Variants in SLC26A5 observed in about 807,000 individuals in gnomAD.
SLC26A5 encodes the protein prestin.
Under a neutral mutation model 81.0 loss-of-function variants are expected in SLC26A5, and 51 were observed. The observed-to-expected ratio is 0.63, with a 90% CI of 0.50 to 0.80. The LOEUF is 0.80. Among genes scored for constraint, SLC26A5 ranks in the 30% least tolerant of loss-of-function variants. SLC26A5 has a pLI of 0.00. For synonymous variants in SLC26A5, 325 were observed against 332.8 expected (o/e 0.98, Z 0.25); for missense variants, 771 against 905.8 (o/e 0.85, Z 1.91).
At chr7:103,371,472 C>A (rs1030086817), downstream of SLC26A5, among the ~76,000 whole-genome samples, 5 of 149,884 alleles carry the variant, frequency 3.3e-5, no homozygotes, top group Non-Finnish European at 7.4e-5. Flanking sequence ...CTACAGGCGC[C>A]CGCCACTACG....
chr7:103,405,539 C>G (rs985484166), intron 8 of SLC26A5, among the ~76,000 whole-genome samples: 2 of 152,180 alleles, frequency 1.3e-5, no homozygotes, highest in African/African-American at 4.8e-5. Flanking sequence ...TGATTGCTAC[C>G]TGTTCCTTCC....
intron 8 of SLC26A5, 150 bp downstream of exon 8, chr7:103,407,701 G>T: frequency 2.4e-6 from 2 of 824,494 alleles, no homozygotes; most frequent in Non-Finnish European, 3.8e-6. Flanking sequence ...TTACTTTCTT[G>T]TCAATGAATT....
At chr7:103,443,920 T>C (rs1827072965) in intron 1 of SLC26A5, among the ~76,000 whole-genome samples, 1 of 152,236 alleles carries the variant, frequency 6.6e-6, no homozygotes, top group South Asian at 2.1e-4. Flanking sequence ...GTGAGCTTTT[T>C]TATTTTTTTT....
At chr7:103,359,914 A>C (rs945236610) in intron 19 of SLC26A5, among the ~76,000 whole-genome samples, 2 of 151,938 alleles carry the variant, frequency 1.3e-5, no homozygotes, top group African/African-American at 4.8e-5. Flanking sequence ...ACCTGTCTCT[A>C]CTAAAAATAT....
intron 19 of SLC26A5, among the ~76,000 whole-genome samples, chr7:103,357,192 G>A (rs1820083250): frequency 2.0e-5 from 3 of 152,022 alleles, no homozygotes; most frequent in Admixed American, 1.3e-4. Flanking sequence ...TGGGTGTGGT[G>A]GCGGGCGCTT....
At chr7:103,360,970 C>T (rs918688136) in intron 19 of SLC26A5, among the ~76,000 whole-genome samples, 2 of 151,786 alleles carry the variant, frequency 1.3e-5, no homozygotes, top group African/African-American at 4.8e-5. Flanking sequence ...AACAATTAGC[C>T]GGGCGTGCTG....
At chr7:103,362,951 G>C (rs1038986646) in intron 19 of SLC26A5, among the ~76,000 whole-genome samples, 2 of 151,866 alleles carry the variant, frequency 1.3e-5, no homozygotes, top group African/African-American at 4.8e-5. Flanking sequence ...CCGCCACCAC[G>C]CCCAGCTAAT....
chr7:103,368,237 TTTTGACTATTTTTTTGACCCACACCCG>T, intron 19 of SLC26A5: 2 of 624,370 alleles, frequency 3.2e-6, no homozygotes, highest in Non-Finnish European at 5.1e-6. Context: ...TTAGAATATA[TTTTGACTATTTTTTTGACCCACACCCG>T]TTTAAGGATT....
intron 2 of SLC26A5, among the ~76,000 whole-genome samples, chr7:103,423,722 A>G (rs1825526984): frequency 6.6e-6 from 1 of 152,156 alleles, no homozygotes; most frequent in East Asian, 1.9e-4. Flanking sequence ...CAGCTGGTGC[A>G]TTGTTCTTGG....
chr7:103,418,909 C>T (rs997537723), intron 4 of SLC26A5, among the ~76,000 whole-genome samples: 2 of 152,088 alleles, frequency 1.3e-5, no homozygotes, highest in African/African-American at 4.8e-5. Flanking sequence ...TGGCTGTGTC[C>T]CTACGCAAAT....
At chr7:103,410,616 C>A (rs2116644628) in intron 6 of SLC26A5, 67 bp from the exon 7 acceptor site, 2 of 1,379,312 alleles carry the variant, frequency 1.5e-6, no homozygotes, top group South Asian at 2.5e-5. Flanking sequence ...TGACCCACAG[C>A]AAATATACAA....
At position 103,421,460 on chromosome 7, in the gene SLC26A5, C is replaced by T. The variant is rs774687085; in HGVS notation, c.55G>A (p.Glu19Lys). 7 of 1,613,896 alleles carry T rather than the reference C, an allele frequency of 4.3e-6. No homozygotes were observed. The highest frequency in any genetic ancestry group is 1.7e-5 in the Admixed American group (1 of 59,976). Residue 19 changes from glutamate (E) to lysine (K), a missense_variant, in exon 3 of 20, where the codon GAA becomes AAA. Coordinates refer to ENST00000306312, the MANE Select transcript of SLC26A5 (RefSeq NM_198999.3). Reference protein sequence around the residue: ...ILAATQRYYVERPIFSHPVLQ... With the variant: ...ILAATQRYYVKRPIFSHPVLQ... ...ACCGGATGACTAAAGATAGGCCTTTCCACATAGTACCTCTGGGTTGCTGCA... is the reference window on the plus strand; with the variant it reads ...ACCGGATGACTAAAGATAGGCCTTTTCACATAGTACCTCTGGGTTGCTGCA...
In SLC26A5 at chr7:103,413,087, A is replaced by G. The variant is rs779567029; in HGVS notation, c.318T>C (p.Ala106=). 2.5e-6 allele frequency: 4 copies of G among 1,613,768 alleles called. No individual in the cohort carries two copies. Among genetic ancestry groups the G allele is most frequent in the Non-Finnish European group, 8.5e-7 (1 of 1,179,822 alleles). Residue 106 remains alanine (A), a synonymous_variant, in exon 5 of 20, where the codon GCT becomes GCC. Transcript: ENST00000306312. The part of the protein sequence containing the change: ...PQGLAFAMLA[A]VPPIFGLYSS... The stretch of plus-strand genomic sequence containing the variant: ...AGTACAGGCCAAATATTGGAGGCAC[A>G]GCTGCCAGCATTGCAAAGGCTAAGC...
chr7:103,360,603 G>C (rs572056600), intron 19 of SLC26A5, among the ~76,000 whole-genome samples: 1 of 152,118 alleles, frequency 6.6e-6, no homozygotes, highest in Admixed American at 6.6e-5. Flanking sequence ...ACCTATGTGC[G>C]CACTCCACAG....
Position 103,374,546 on chromosome 7 carries a change from A to G in SLC26A5, c.2088T>C (p.Pro696=). ...TGTGGAACAGCAGCTCCCATAGGGC[A>G]GGATTTTCAAAAAATCTATTCCGAG... ...DLTRNRFFEN[P]ALWELLFHSI... is the part of the protein sequence containing the mutation. Residue 696 remains proline (P), a synonymous_variant, in exon 20 of 20, where the codon CCT becomes CCC. Transcript: ENST00000306312. The G allele has an allele frequency of 6.2e-7, 1 of 1,614,156 alleles. No homozygotes were observed. The highest frequency in any genetic ancestry group is 8.5e-7 in the Non-Finnish European group (1 of 1,180,024).
In SLC26A5 at chr7:103,376,828, A is replaced by G. The variant is rs1358138369; in HGVS notation, c.2021T>C (p.Val674Ala). The change falls in exon 19 of 20, where the codon GTA becomes GCA. Residue 674 changes from valine to alanine, a missense_variant. Coordinates refer to ENST00000306312, the MANE Select transcript of SLC26A5 (RefSeq NM_198999.3). The part of the protein sequence containing the change: ...VKEYGDVGIY[V>A]YLAGCSAQVV... ...CTCACCACTGCATCCTGCTAAGTAT[A>G]CATATATACCGACGTCTCCATATTC... 10 of 1,605,032 alleles carry G rather than the reference A, an allele frequency of 6.2e-6. No individual in the cohort carries two copies. Among genetic ancestry groups the G allele is most frequent in the Non-Finnish European group, 8.5e-6 (10 of 1,172,186 alleles).
chr7:103,428,712 G>C (rs1458338402), intron 2 of SLC26A5, among the ~76,000 whole-genome samples: 2 of 151,968 alleles, frequency 1.3e-5, no homozygotes, highest in Admixed American at 1.3e-4. Flanking sequence ...ACAGGTGTGT[G>C]CCACTACGCC....
chr7:103,401,042 G>T (rs556211985), intron 8 of SLC26A5, among the ~76,000 whole-genome samples: 1 of 152,138 alleles, frequency 6.6e-6, no homozygotes, highest in Non-Finnish European at 1.5e-5. Flanking sequence ...TTGGCTATGC[G>T]GGCCCTTTTT....
intron 18 of SLC26A5, among the ~76,000 whole-genome samples, 184 bp from the exon 19 acceptor site, chr7:103,377,046 T>C (rs1197113652): frequency 6.6e-6 from 1 of 152,240 alleles, no homozygotes; most frequent in East Asian, 1.9e-4. Context: ...TTGCTTTTTA[T>C]GTGGACAGTG....
Sources: gnomAD v4.1 joint callset for allele counts (sites outside exome capture counted in the v4.1 genomes callset) on GRCh38, gnomAD v4.1.1 for gene constraint, MANE v1.5 for transcripts, NCBI Gene and HGNC (gene_info 2026-07-23, HGNC 2026-07-21) for gene names.